The following SNF8 variants were observed in gnomAD, a reference collection of about 807,000 sequenced individuals.
The protein encoded by SNF8 is vacuolar-sorting protein SNF8.
In SNF8, 19 loss-of-function variants were observed where a neutral mutation model predicts 36.8. The observed-to-expected ratio is 0.52, with a 90% CI of 0.36 to 0.76. The LOEUF is 0.76. Among genes scored for constraint, SNF8 ranks in the 30% least tolerant of loss-of-function variants. The pLI is 0.00. For missense variants in SNF8, 268 were observed against 322.9 expected (o/e 0.83, Z 1.30); for synonymous variants, 127 against 127.4 (o/e 1.00, Z 0.02).
chr17:48,941,707 T>C (rs1034124207), intron 2 of SNF8, among the ~76,000 whole-genome samples: 5 of 152,124 alleles, frequency 3.3e-5, no homozygotes, highest in African/African-American at 7.2e-5. Flanking sequence ...TTTAATTTTT[T>C]TGAGACAGAA....
chr17:48,944,594 G>T, intron 1 of SNF8, 87 bp downstream of exon 1: 1 of 1,395,790 alleles, frequency 7.2e-7, no homozygotes, highest in Non-Finnish European at 1.0e-6. Flanking sequence ...CTGTTGGGAG[G>T]TGATTAACGG....
At chr17:48,931,546 G>T in intron 7 of SNF8, 97 bp downstream of exon 7, 3 of 986,126 alleles carry the variant, frequency 3.0e-6, no homozygotes, top group Non-Finnish European at 4.6e-6. Flanking sequence ...AAGGCAGAAG[G>T]CCAGCAAAGC....
At chr17:48,930,987 C>T (rs1378673085) in intron 7 of SNF8, among the ~76,000 whole-genome samples, 2 of 152,224 alleles carry the variant, frequency 1.3e-5, no homozygotes, top group South Asian at 2.1e-4. Context: ...TAAGTTATTC[C>T]GGGTAGCAAA....
chr17:48,937,290 T>C (rs112252929), intron 3 of SNF8, 166 bp from the exon 4 acceptor site: 1 of 396,090 alleles, frequency 2.5e-6, no homozygotes, highest in South Asian at 2.3e-5. Context: ...CGGTAACTCC[T>C]GCTGAAGAAC....
Position 48,941,038 on chromosome 17 carries a change from T to C in SNF8, c.130A>G (p.Lys44Glu), listed in dbSNP as rs1268606323. The C allele has an allele frequency of 6.2e-7, 1 of 1,613,956 alleles. No homozygotes were observed. Among genetic ancestry groups the C allele is most frequent in the Admixed American group, 1.7e-5 (1 of 59,958 alleles). ...CTGGCAAATTCCTCCAGGTTGGTCT[T>C]GAACATGTCCAACTGCTTTGACATC... is the stretch of plus-strand genomic sequence containing the variant. ...AQMSKQLDMF[K>E]TNLEEFASKH... The change falls in exon 3 of 8, where the codon AAG (lysine) becomes GAG (glutamate). Residue 44 changes from lysine to glutamate, a missense_variant. By Grantham distance (56) the Lys-to-Glu change is moderately conservative (BLOSUM62 1). Coordinates refer to ENST00000502492, the MANE Select transcript of SNF8 (RefSeq NM_007241.4).
In SNF8 at chr17:48,930,470, T is replaced by A. The variant is rs574512302; in HGVS notation, c.*5A>T. 6.3e-7 allele frequency: 1 copy of A among 1,594,446 alleles called. No individual in the cohort carries two copies. The highest frequency in any genetic ancestry group is 1.3e-5 in the African/African-American group (1 of 74,748). Reference sequence around the variant, plus strand: ...GCCTGCTGCTGTGTGCCCTTCCACATGCAGTCAGGGGAGGGCTTCTCTGGC... The same window carrying A: ...GCCTGCTGCTGTGTGCCCTTCCACAAGCAGTCAGGGGAGGGCTTCTCTGGC... On this transcript the variant is annotated 3_prime_UTR_variant, in exon 8 of 8. Coordinates refer to ENST00000502492, the MANE Select transcript of SNF8 (RefSeq NM_007241.4).
intron 2 of SNF8, among the ~76,000 whole-genome samples, chr17:48,942,799 C>T (rs572029479): frequency 4.0e-5 from 6 of 150,568 alleles, no homozygotes; most frequent in South Asian, 2.1e-4. Flanking sequence ...CTGCCCACCT[C>T]GGCCTCCCAA....
intron 4 of SNF8, 84 bp downstream of exon 4, chr17:48,936,936 G>T: frequency 9.8e-7 from 1 of 1,021,806 alleles, no homozygotes; most frequent in Non-Finnish European, 1.6e-6. Flanking sequence ...CCTGTAGACT[G>T]CAGGATGGAA....
chr17:48,944,266 C>T, intron 1 of SNF8: 1 of 445,404 alleles, frequency 2.2e-6, no homozygotes, highest in Non-Finnish European at 4.1e-6. Flanking sequence ...CGCGCCACTG[C>T]ACTCCAACCT....
rs966300145 is a variant in SNF8 at position 48,930,017 on chromosome 17, C to T, written c.*458G>A. ...CCTTCATACTCACAGCTAACTCTGT[C>T]ATAACCTAGAGCCTCTACAGAGGAA... On this transcript the variant is annotated 3_prime_UTR_variant, in exon 8 of 8. Transcript: ENST00000502492. 6.6e-6 allele frequency: 1 copy of T among 152,400 alleles called. No individual in the cohort carries two copies. Among genetic ancestry groups the T allele is most frequent in the Non-Finnish European group, 1.5e-5 (1 of 68,194 alleles). 9.4% of individuals were successfully genotyped at this position (152,400 alleles called of 1,614,324 possible).
Position 48,943,984 on chromosome 17 carries a change from CA to C in SNF8, c.55-10del. The C allele has an allele frequency of 6.2e-7, 1 of 1,613,598 alleles. No homozygotes were observed. The highest frequency in any genetic ancestry group is 8.5e-7 in the Non-Finnish European group (1 of 1,179,706). ...CGCTCCTTATACTTGGCCTGTCAGA[CA>C]AAGAGACCAGCATAAGTTAAGAGAG... On this transcript the variant is annotated splice_polypyrimidine_tract_variant and intron_variant, in intron 1 of 7. Coordinates refer to ENST00000502492, the MANE Select transcript of SNF8 (RefSeq NM_007241.4).
intron 3 of SNF8, among the ~76,000 whole-genome samples, chr17:48,939,747 C>G (rs952504716): frequency 1.3e-5 from 2 of 151,452 alleles, no homozygotes; most frequent in African/African-American, 4.8e-5. Flanking sequence ...CGTGAGCCAC[C>G]GCGCCCGGTG....
chr17:48,931,603 G>A, intron 7 of SNF8, 40 bp downstream of exon 7: 1 of 1,547,728 alleles, frequency 6.5e-7, no homozygotes, highest in Non-Finnish European at 8.8e-7. Context: ...TCCCAACTGG[G>A]GCCTGCCTGT....
chr17:48,936,948 C>T (rs979549540), intron 4 of SNF8, 72 bp downstream of exon 4: 25 of 1,143,374 alleles, frequency 2.2e-5, no homozygotes, highest in South Asian at 8.6e-5. Flanking sequence ...AGGATGGAAA[C>T]GATAATCTTT....
chr17:48,936,061 C>T (rs2040929861), intron 5 of SNF8, 109 bp downstream of exon 5: 4 of 729,520 alleles, frequency 5.5e-6, no homozygotes, highest in South Asian at 3.3e-5. Flanking sequence ...ATATGGAGAT[C>T]ATACAGATTT....
At chr17:48,942,806 C>T (rs1345180456) in intron 2 of SNF8, among the ~76,000 whole-genome samples, 1 of 151,502 alleles carries the variant, frequency 6.6e-6, no homozygotes, top group Non-Finnish European at 1.5e-5. Flanking sequence ...CCTCGGCCTC[C>T]CAAAGTGCTG....
At chr17:48,944,099 C>G (rs2041069643) in intron 1 of SNF8, 124 bp from the exon 2 acceptor site, 7 of 833,194 alleles carry the variant, frequency 8.4e-6, no homozygotes, top group African/African-American at 3.3e-5. Context: ...GTCAGGAGAT[C>G]GAGCCATCCT....
At chr17:48,936,084 A>G in intron 5 of SNF8, 86 bp downstream of exon 5, 1 of 938,086 alleles carries the variant, frequency 1.1e-6, no homozygotes, top group South Asian at 1.4e-5. Context: ...AAGCTAGCCT[A>G]GACATGAGGA....
At chr17:48,940,897 G>A (rs772505595) in intron 3 of SNF8, 27 bp downstream of exon 3, 16 of 1,608,806 alleles carry the variant, frequency 9.9e-6, no homozygotes, top group African/African-American at 4.0e-5. Context: ...CTATAAGAAC[G>A]CTGGACCCCT....
Sources: gnomAD v4.1 joint callset for allele counts (sites outside exome capture counted in the v4.1 genomes callset) on GRCh38, gnomAD v4.1.1 for gene constraint, MANE v1.5 for transcripts, NCBI Gene and HGNC (gene_info 2026-07-23, HGNC 2026-07-21) for gene names.